DNAH9: variants seen among roughly 807,000 people sequenced by gnomAD.
DNAH9 encodes dynein axonemal heavy chain 9.
In DNAH9, 345 loss-of-function variants were observed where a neutral mutation model predicts 471.6. The ratio of observed to expected loss-of-function variants is 0.73; its 90% CI spans 0.67 to 0.80. The LOEUF (loss-of-function observed/expected upper bound fraction) is 0.80, where lower values mean the gene tolerates loss of function less well. Ranked by LOEUF, DNAH9 falls within the 30% of genes least tolerant of loss-of-function variation. DNAH9 has a pLI of 0.00. For missense variants in DNAH9, 5,407 were observed against 5,609.2 expected, an observed-to-expected ratio of 0.96 and a Z score of 1.15; for synonymous variants, 2,093 against 2,123.6, an observed-to-expected ratio of 0.99 and a Z score of 0.40.
intron 68 of DNAH9, among the ~76,000 whole-genome samples, chr17:11,967,224 A>G (rs1597910687): frequency 6.6e-6 from 1 of 151,698 alleles, no homozygotes; most frequent in African/African-American, 2.4e-5. Context: ...CTCTTGCCTC[A>G]GTTCCCAAGT....
At chr17:11,692,980 A>G (rs1277202791) in intron 20 of DNAH9, among the ~76,000 whole-genome samples, 1 of 144,714 alleles carries the variant, frequency 6.9e-6, no homozygotes, top group Non-Finnish European at 1.5e-5. Context: ...GTCTCGGCTC[A>G]ATACAACCTC....
chr17:11,699,673 C>T (rs192677846), intron 22 of DNAH9, 58 bp from the exon 23 acceptor site: 1 of 1,530,088 alleles, frequency 6.5e-7, no homozygotes, highest in Non-Finnish European at 9.0e-7. Context: ...CTAAACAATT[C>T]TAATAAGCAG....
At chr17:11,707,990 CACACACACACACACACACACACACAG>C (rs762540573) in intron 26 of DNAH9, among the ~76,000 whole-genome samples, 15,932 of 111,970 alleles carry the variant, frequency 0.14, 1,066 homozygotes, top group Non-Finnish European at 0.2. Flanking sequence ...CACACACACA[CACACACACACACACACACACACACAG>C]AGAGAGAGAG....
rs1437441560 is a variant in DNAH9 at position 11,886,850 on chromosome 17, T to A, written c.10997T>A (p.Val3666Glu). ...KKVQEAKVTEVKINEAREHYR... is the reference protein window; with the variant it reads ...KKVQEAKVTEEKINEAREHYR... ...GTCCAGGAGGCCAAGGTGACTGAAG[T>A]GAAAATCAACGAGGCCCGAGAGCAC... Residue 3666 changes from valine (V) to glutamate (E), a missense_variant, in exon 57 of 69, where the codon GTG (valine) becomes GAG (glutamate). Val to Glu is a moderately radical substitution (Grantham distance 121). Coordinates refer to ENST00000262442, the MANE Select transcript of DNAH9 (RefSeq NM_001372.4). The A allele has an allele frequency of 6.2e-7, 1 of 1,612,042 alleles. No individual in the cohort carries two copies. Among genetic ancestry groups the A allele is most frequent in the Admixed American group, 1.7e-5 (1 of 59,742 alleles).
intron 1 of DNAH9, among the ~76,000 whole-genome samples, chr17:11,602,802 C>G (rs1015838839): frequency 6.6e-6 from 1 of 152,168 alleles, no homozygotes; most frequent in African/African-American, 2.4e-5. Flanking sequence ...GCATTCCCAA[C>G]AACCACCAAC....
At chr17:11,913,440 A>G (rs1183812702) in intron 61 of DNAH9, among the ~76,000 whole-genome samples, 1 of 152,100 alleles carries the variant, frequency 6.6e-6, no homozygotes, top group Admixed American at 6.5e-5. Context: ...ATCTATATTA[A>G]AGTGTTTAGA....
At chr17:11,664,553 C>T (rs2073833516) in intron 14 of DNAH9, among the ~76,000 whole-genome samples, 1 of 152,214 alleles carries the variant, frequency 6.6e-6, no homozygotes, top group Admixed American at 6.5e-5. Context: ...AGGAAGCACA[C>T]ACATTGCATC....
intron 27 of DNAH9, among the ~76,000 whole-genome samples, chr17:11,727,080 C>G (rs993933228): frequency 7.7e-6 from 1 of 129,660 alleles, no homozygotes; most frequent in Non-Finnish European, 1.6e-5. Context: ...AAAAAAAACC[C>G]GCTGAATAAA....
In DNAH9 at chr17:11,790,430, T is replaced by C. The variant is rs544714052; in HGVS notation, c.8062-3073T>C. 7.9e-5 allele frequency among the ~76,000 whole-genome samples: 12 copies of C among 152,166 alleles called. No individual in the cohort carries two copies. The South Asian group carries it at 2.5e-3, about 32-fold the overall frequency. On this transcript the variant is annotated intron_variant, in intron 41 of 68. Transcript: ENST00000262442. ...TTTTCTTATTAAGTGCCCTTCTTTA[T>C]CTCTAAAAACGATGTTTGCTTTAAA...
rs2073173383 is a variant in DNAH9 at position 11,636,686 on chromosome 17, C to T, written c.1688C>T (p.Thr563Ile). The change falls in exon 9 of 69, where the codon ACA becomes ATA. Residue 563 changes from threonine (T) to isoleucine (I), a missense_variant. Thr to Ile is a moderately conservative substitution (Grantham distance 89). Coordinates refer to ENST00000262442, the MANE Select transcript of DNAH9 (RefSeq NM_001372.4). ...GAAAGACCGCTGGTAGCGAGGGATA[C>T]ATCTGATAAATACCTGGTCCTCATC... ...LLERPLVARD[T>I]SDKYLVLIQM... The T allele has an allele frequency of 5.0e-6, 8 of 1,613,422 alleles. No individual in the cohort carries two copies. The highest frequency in any genetic ancestry group is 6.8e-6 in the Non-Finnish European group (8 of 1,179,354).
At chr17:11,882,893 C>T (rs767324182) in intron 55 of DNAH9, 60 of 976,192 alleles carry the variant, frequency 6.1e-5, no homozygotes, top group Non-Finnish European at 7.1e-5. Context: ...AAGGCAGGAT[C>T]AAGATATGTG....
At position 11,823,798 on chromosome 17, in the gene DNAH9, C is replaced by T. The variant is rs901763765; in HGVS notation, c.9246+764C>T. ...TACAAAAATTAGCTGGGCATGGTGGCGGGTGCCTGTAGTCCCAGCCACTCA... is the reference window on the plus strand; with the variant it reads ...TACAAAAATTAGCTGGGCATGGTGGTGGGTGCCTGTAGTCCCAGCCACTCA... On this transcript the variant is annotated intron_variant, in intron 48 of 68. Transcript: ENST00000262442. Among the ~76,000 whole-genome samples the T allele has an allele frequency of 4.6e-5, 7 of 151,966 alleles. No homozygotes were observed. In the South Asian group the frequency reaches 8.3e-4, roughly 18 times the overall value.
intron 50 of DNAH9, among the ~76,000 whole-genome samples, chr17:11,862,506 CTT>C (rs1238830997): frequency 7.2e-6 from 1 of 139,812 alleles, no homozygotes; most frequent in East Asian, 2.1e-4. Flanking sequence ...GATGCGGGCT[CTT>C]TTTTGGTTCC....
At chr17:11,785,603 A>G (rs960012477) in intron 41 of DNAH9, among the ~76,000 whole-genome samples, 6 of 152,272 alleles carry the variant, frequency 3.9e-5, no homozygotes, top group Admixed American at 1.3e-4. Flanking sequence ...GGTGGAATCA[A>G]TGAGCCCCTC....
At chr17:11,721,701 G>A (rs973227259) in intron 27 of DNAH9, among the ~76,000 whole-genome samples, 2 of 152,054 alleles carry the variant, frequency 1.3e-5, no homozygotes, top group South Asian at 4.1e-4. Flanking sequence ...TGATTGATGA[G>A]AGAGAGAAAG....
chr17:11,829,269 C>G (rs1032334850), intron 48 of DNAH9, among the ~76,000 whole-genome samples: 9 of 152,142 alleles, frequency 5.9e-5, no homozygotes, highest in African/African-American at 2.2e-4. Flanking sequence ...GTATTGGTAT[C>G]CTACCGCTTG....
At chr17:11,610,102 G>A (rs2150639151) in intron 2 of DNAH9, among the ~76,000 whole-genome samples, 1 of 152,298 alleles carries the variant, frequency 6.6e-6, no homozygotes, top group South Asian at 2.1e-4. Context: ...ACAACGTACT[G>A]GCATTCAAAG....
At chr17:11,855,575 A>G (rs1003641953) in intron 50 of DNAH9, among the ~76,000 whole-genome samples, 1 of 152,206 alleles carries the variant, frequency 6.6e-6, no homozygotes, top group African/African-American at 2.4e-5. Context: ...AAAAAGGCCA[A>G]TCTATAATCA....
chr17:11,875,840 T>G (rs941112606), intron 53 of DNAH9: 4 of 152,412 alleles, frequency 2.6e-5, no homozygotes, highest in African/African-American at 9.7e-5. Context: ...ATTTTAGCCT[T>G]GTGGTTTCAG....
Sources: gnomAD v4.1 joint callset for allele counts (sites outside exome capture counted in the v4.1 genomes callset) on GRCh38, gnomAD v4.1.1 for gene constraint, MANE v1.5 for transcripts, NCBI Gene and HGNC (gene_info 2026-07-23, HGNC 2026-07-21) for gene names.